MID1: variants seen among roughly 807,000 people sequenced by gnomAD.
MID1 encodes the protein midline 1.
MID1 carries 7 observed loss-of-function variants against 40.4 expected under a neutral mutation model. The ratio of observed to expected loss-of-function variants is 0.17; its 90% CI spans 0.10 to 0.33. The LOEUF (loss-of-function observed/expected upper bound fraction) is 0.33, where lower values mean the gene tolerates loss of function less well. MID1 is among the 10% of genes least tolerant of loss of function. The pLI is 1.00. For synonymous variants in MID1, 229 were observed against 221.2 expected (o/e 1.04, Z -0.31); for missense variants, 367 against 558.5 (o/e 0.66, Z 3.46).
intron 1 of MID1, among the ~76,000 whole-genome samples, chrX:10,592,146 G>GGTGTGTGT (rs61450722): frequency 9.8e-6 from 1 of 102,319 alleles, no homozygotes; most frequent in African/African-American, 3.6e-5. Context: ...AATGGCTTGT[G>GGTGTGTGT]GTGTGTGTGT....
At chrX:10,633,386 A>T (rs2464673) in intron 1 of MID1, among the ~76,000 whole-genome samples, 1,168 of 111,728 alleles carry the variant, frequency 0.01, 4 homozygotes, top group South Asian at 0.03. Context: ...GGTATGTTAA[A>T]AGCCCCTGAG....
At position 10,567,263 on chromosome X, in the gene MID1, G is replaced by A. The variant is rs199789573; in HGVS notation, c.285C>T (p.Asn95=). 24 of 1,204,139 alleles carry A rather than the reference G, an allele frequency of 2.0e-5. No homozygotes were observed. The African/African-American group carries it at 4.0e-4, about 20-fold the overall frequency. The stretch of plus-strand genomic sequence containing the variant: ...GCTCCCGACGGGTCTCGCTGGGAGA[G>A]TTGGGCCCGCTCACTGATGCTTTCT... The part of the protein sequence containing the change: ...RFQKASVSGP[N]SPSETRRERA... The change falls in exon 2 of 10, where the codon AAC becomes AAT. Residue 95 remains asparagine, a synonymous_variant. Coordinates refer to ENST00000317552, the MANE Select transcript of MID1 (RefSeq NM_000381.4).
chrX:10,481,701 C>A (rs754776201), intron 5 of MID1, among the ~76,000 whole-genome samples: 1 of 112,144 alleles, frequency 8.9e-6, no homozygotes, highest in Non-Finnish European at 1.9e-5. Context: ...CCGCCTTGGC[C>A]TCCCAAAGTG....
intron 1 of MID1, among the ~76,000 whole-genome samples, chrX:10,634,907 T>C (rs889801162): frequency 8.9e-6 from 1 of 112,162 alleles, no homozygotes. Flanking sequence ...TGCGCCTGAG[T>C]CCCCCGTCTT....
intron 1 of MID1, among the ~76,000 whole-genome samples, chrX:10,769,400 CCAAA>C (rs1028445435): frequency 4.5e-5 from 5 of 111,535 alleles, no homozygotes; most frequent in Admixed American, 9.6e-5. Flanking sequence ...ATCAGGGCCA[CCAAA>C]CAAAGGCATT....
At chrX:10,716,291 C>T (rs1251740596) in intron 1 of MID1, among the ~76,000 whole-genome samples, 1 of 111,280 alleles carries the variant, frequency 9.0e-6, no homozygotes, top group Non-Finnish European at 1.9e-5. Context: ...AGTTAAAAAC[C>T]TTGAAAAAAG....
chrX:10,533,814 T>C (rs1194621107), intron 2 of MID1, among the ~76,000 whole-genome samples: 1 of 111,878 alleles, frequency 8.9e-6, no homozygotes, highest in Non-Finnish European at 1.9e-5. Context: ...GAGTAAGAAA[T>C]GACAATCTTC....
chrX:10,555,083 T>C (rs1214258559), intron 2 of MID1, among the ~76,000 whole-genome samples: 3 of 111,833 alleles, frequency 2.7e-5, no homozygotes, highest in Non-Finnish European at 5.6e-5. Context: ...AAACTGCTTG[T>C]GAGCCTGGAT....
chrX:10,739,048 C>T (rs1197743552), intron 1 of MID1, among the ~76,000 whole-genome samples: 3 of 111,301 alleles, frequency 2.7e-5, no homozygotes, highest in Non-Finnish European at 1.9e-5. Context: ...CATACTAGCA[C>T]CTTCCTTGAT....
chrX:10,666,280 T>C (rs1249521319), intron 1 of MID1, among the ~76,000 whole-genome samples: 4 of 110,333 alleles, frequency 3.6e-5, no homozygotes, highest in Admixed American at 2.9e-4. Context: ...TCCCCTAGGA[T>C]TGTGCAATAA....
intron 1 of MID1, among the ~76,000 whole-genome samples, chrX:10,699,011 T>C (rs1487245404): frequency 8.9e-6 from 1 of 112,330 alleles, no homozygotes; most frequent in Non-Finnish European, 1.9e-5. Flanking sequence ...TTTCACTTGT[T>C]ATTTTTTCAT....
At chrX:10,509,129 AT>A in intron 3 of MID1, among the ~76,000 whole-genome samples, 1 of 111,627 alleles carries the variant, frequency 9.0e-6, no homozygotes, top group Non-Finnish European at 1.9e-5. Context: ...GAGCTGTACA[AT>A]AGGGGCTTTG....
intron 3 of MID1, among the ~76,000 whole-genome samples, chrX:10,514,536 C>T (rs1007749496): frequency 8.9e-6 from 1 of 112,003 alleles, no homozygotes; most frequent in Non-Finnish European, 1.9e-5. Context: ...TAAATTTAAC[C>T]TCTACCAAGA....
At chrX:10,572,219 C>T (rs866250112) in intron 1 of MID1, among the ~76,000 whole-genome samples, 109 of 100,658 alleles carry the variant, frequency 1.1e-3, no homozygotes, top group Non-Finnish European at 1.8e-3. Context: ...CACACACACA[C>T]ATATATATAT....
intron 2 of MID1, among the ~76,000 whole-genome samples, chrX:10,548,042 A>T (rs1425069381): frequency 8.9e-6 from 1 of 112,477 alleles, no homozygotes; most frequent in Non-Finnish European, 1.9e-5. Context: ...CACATACCAT[A>T]GAACTAGGCA....
chrX:10,740,126 C>T (rs2043513466), intron 1 of MID1, among the ~76,000 whole-genome samples: 2 of 109,597 alleles, frequency 1.8e-5, no homozygotes, highest in Non-Finnish European at 3.7e-5. Context: ...AGCACCATCA[C>T]ATTTTTTTTT....
intron 1 of MID1, among the ~76,000 whole-genome samples, chrX:10,594,077 T>C (rs1030607657): frequency 3.6e-5 from 4 of 111,258 alleles, no homozygotes; most frequent in Non-Finnish European, 3.8e-5. Flanking sequence ...CCGATGACTA[T>C]TTTGAAAATA....
At chrX:10,674,220 T>G (rs963286056) in intron 1 of MID1, among the ~76,000 whole-genome samples, 7 of 112,516 alleles carry the variant, frequency 6.2e-5, no homozygotes, top group Admixed American at 5.7e-4. Context: ...TTGTGCAATG[T>G]GAGAGGGTTA....
At chrX:10,528,303 T>C (rs1932872788) in intron 2 of MID1, among the ~76,000 whole-genome samples, 1 of 111,844 alleles carries the variant, frequency 8.9e-6, no homozygotes, top group African/African-American at 3.2e-5. Flanking sequence ...GATGAGATAT[T>C]TTATATTTTG....
Sources: gnomAD v4.1 joint callset for allele counts (sites outside exome capture counted in the v4.1 genomes callset) on GRCh38, gnomAD v4.1.1 for gene constraint, MANE v1.5 for transcripts, NCBI Gene and HGNC (gene_info 2026-07-23, HGNC 2026-07-21) for gene names.